P2RX3: variants seen among roughly 807,000 people sequenced by gnomAD.
P2RX3 encodes P2X purinoceptor 3.
Under a neutral mutation model 51.5 loss-of-function variants are expected in P2RX3, and 41 were observed. That is an observed-to-expected ratio of 0.80 (90% CI 0.62 to 1.03). P2RX3 has a LOEUF of 1.03. P2RX3 is among the 50% of genes least tolerant of loss of function. The pLI is 0.00. For missense variants in P2RX3, 459 were observed against 522.1 expected, an observed-to-expected ratio of 0.88 and a Z score of 1.18; for synonymous variants, 185 against 191.6, an observed-to-expected ratio of 0.97 and a Z score of 0.29.
intron 6 of P2RX3, among the ~76,000 whole-genome samples, chr11:57,349,381 G>A (rs1350267227): frequency 6.6e-6 from 1 of 151,442 alleles, no homozygotes; most frequent in Admixed American, 6.6e-5. Flanking sequence ...CAGGAGAATC[G>A]CTTGAACCTG....
chr11:57,345,550 C>G (rs1375905845), intron 1 of P2RX3, among the ~76,000 whole-genome samples: 1 of 152,158 alleles, frequency 6.6e-6, no homozygotes, highest in East Asian at 1.9e-4. Flanking sequence ...GGAATAAAGG[C>G]AATCTTGCCA....
chr11:57,363,348 A>G (rs1045196768), intron 8 of P2RX3, among the ~76,000 whole-genome samples: 3 of 152,134 alleles, frequency 2.0e-5, no homozygotes, highest in African/African-American at 7.2e-5. Context: ...CCCTCATTTC[A>G]GTGGCTTAAT....
At chr11:57,367,379 T>C (rs1396157407) in intron 8 of P2RX3, among the ~76,000 whole-genome samples, 1 of 152,204 alleles carries the variant, frequency 6.6e-6, no homozygotes, top group Non-Finnish European at 1.5e-5. Context: ...AGTCTAGCAG[T>C]GGCTCAAACT....
At chr11:57,347,697 G>A (rs1462955619) in intron 4 of P2RX3, among the ~76,000 whole-genome samples, 2 of 152,148 alleles carry the variant, frequency 1.3e-5, no homozygotes, top group Non-Finnish European at 2.9e-5. Flanking sequence ...GACAGACAGG[G>A]GTGCTTGAAG....
chr11:57,367,582 A>T (rs1856815809), intron 8 of P2RX3, among the ~76,000 whole-genome samples: 1 of 152,114 alleles, frequency 6.6e-6, no homozygotes, highest in African/African-American at 2.4e-5. Context: ...TTAGCCAGGG[A>T]TGGTGGCGCG....
intron 8 of P2RX3, among the ~76,000 whole-genome samples, chr11:57,361,405 G>A (rs553902101): frequency 6.6e-6 from 1 of 152,224 alleles, no homozygotes; most frequent in South Asian, 2.1e-4. Context: ...TAGGTATTAA[G>A]CCCCACATGC....
chr11:57,360,274 T>C (rs1350087556), intron 8 of P2RX3, among the ~76,000 whole-genome samples: 15 of 152,170 alleles, frequency 9.9e-5, no homozygotes, highest in Admixed American at 9.8e-4. Context: ...CAAATCTAAC[T>C]GTGTTCTGCT....
chr11:57,347,781 A>T (rs1856468516), intron 4 of P2RX3, among the ~76,000 whole-genome samples: 1 of 152,158 alleles, frequency 6.6e-6, no homozygotes, highest in South Asian at 2.1e-4. Context: ...CTGGGTGAGC[A>T]GTACCCAAAG....
chr11:57,361,698 G>A (rs1294163178), intron 8 of P2RX3, among the ~76,000 whole-genome samples: 1 of 152,094 alleles, frequency 6.6e-6, no homozygotes, highest in Non-Finnish European at 1.5e-5. Flanking sequence ...TCATTGATGG[G>A]CATTTGAGTT....
chr11:57,348,141 C>T (rs751897414), intron 4 of P2RX3, 29 bp from the exon 5 acceptor site: 13 of 1,545,224 alleles, frequency 8.4e-6, no homozygotes, highest in Non-Finnish European at 1.1e-5. Context: ...GGGCAGGCAG[C>T]CACCCAGCAG....
At chr11:57,368,182 G>T in intron 9 of P2RX3, 80 bp downstream of exon 9, 2 of 1,447,746 alleles carry the variant, frequency 1.4e-6, no homozygotes, top group South Asian at 2.3e-5. Flanking sequence ...AAGCTCCTCT[G>T]GGGGGCAGGG....
chr11:57,347,441 A>G lies in P2RX3; in HGVS notation c.354A>G (p.Ser118=). 1 of 1,559,414 alleles carries G rather than the reference A, an allele frequency of 6.4e-7. No homozygotes were observed. Among genetic ancestry groups the G allele is most frequent in the African/African-American group, 1.4e-5 (1 of 73,536 alleles). ...GTGAGGAGAAATACCGCTGTGTATC[A>G]GACAGCCAGTGCGGGCCTGAGCGCT... ...PESEEKYRCV[S]DSQCGPERLP... is the part of the protein sequence containing the mutation. Residue 118 remains serine (S), a synonymous_variant, in exon 4 of 12, where the codon TCA becomes TCG. Transcript: ENST00000263314.
In P2RX3 at chr11:57,370,480, C is replaced by T. The variant is rs767729212; in HGVS notation, c.*483C>T. The T allele has an allele frequency of 2.0e-5, 3 of 153,320 alleles. No individual in the cohort carries two copies. Among genetic ancestry groups the T allele is most frequent in the Non-Finnish European group, 2.9e-5 (2 of 69,634 alleles). The allele number at this position is 153,320 out of a possible 1,614,324, so 9.5% of individuals were successfully genotyped here. On this transcript the variant is annotated 3_prime_UTR_variant, in exon 12 of 12. Coordinates refer to ENST00000263314, the MANE Select transcript of P2RX3 (RefSeq NM_002559.5). The stretch of plus-strand genomic sequence containing the variant: ...GTGAGAGAGCTGGGATTTGAACGTC[C>T]GTCTGACTAACTCCATCGCCCACAC...
chr11:57,347,287 G>A (rs911321425), intron 3 of P2RX3, 100 bp downstream of exon 3: 19 of 1,490,682 alleles, frequency 1.3e-5, no homozygotes, highest in Non-Finnish European at 1.6e-5. Context: ...CCCCAAGTCT[G>A]ACCTTGCAAC....
chr11:57,345,917 A>G (rs1400024170), intron 1 of P2RX3, among the ~76,000 whole-genome samples: 1 of 150,848 alleles, frequency 6.6e-6, no homozygotes, highest in Non-Finnish European at 1.5e-5. Flanking sequence ...TGCCAGGTAA[A>G]AGCTCAGCCG....
Position 57,349,824 on chromosome 11 carries a change from C to G in P2RX3, c.631C>G (p.Pro211Ala), listed in dbSNP as rs761341767. 2 of 1,614,222 alleles carry G rather than the reference C, an allele frequency of 1.2e-6. No homozygotes were observed. Among genetic ancestry groups the G allele is most frequent in the South Asian group, 1.1e-5 (1 of 91,084 alleles). Residue 211 changes from proline to alanine, a missense_variant, in exon 7 of 12, where the codon CCT (proline) becomes GCT (alanine). Coordinates refer to ENST00000263314, the MANE Select transcript of P2RX3 (RefSeq NM_002559.5). ...CTGCCGCTTCCACCCGGACAAGGAC[C>G]CTTTCTGCCCCATCTTGCGGGTAGG... Reference protein sequence around the residue: ...KTCRFHPDKDPFCPILRVGDV... With the variant: ...KTCRFHPDKDAFCPILRVGDV...
At chr11:57,351,545 G>C (rs1187786472) in intron 8 of P2RX3, among the ~76,000 whole-genome samples, 1 of 152,154 alleles carries the variant, frequency 6.6e-6, no homozygotes, top group Non-Finnish European at 1.5e-5. Context: ...AGGACAAACT[G>C]TTTGGAAGCA....
rs760487695 is a variant in P2RX3 at position 57,369,954 on chromosome 11, A to C, written c.1151A>C (p.Glu384Ala). ...PVYPSDQTTA[E>A]KQSTDSGAFS... ...TACCCCAGCGACCAGACCACAGCGGAGAAGCAGTCCACCGATTCGGGGGCC... is the reference window on the plus strand; with the variant it reads ...TACCCCAGCGACCAGACCACAGCGGCGAAGCAGTCCACCGATTCGGGGGCC... Residue 384 changes from glutamate (E) to alanine (A), a missense_variant, in exon 12 of 12, where the codon GAG becomes GCG. Transcript: ENST00000263314. The C allele has an allele frequency of 6.2e-7, 1 of 1,614,044 alleles. No homozygotes were observed. Among genetic ancestry groups the C allele is most frequent in the Non-Finnish European group, 8.5e-7 (1 of 1,179,972 alleles).
intron 8 of P2RX3, among the ~76,000 whole-genome samples, chr11:57,366,703 G>T (rs924642941): frequency 6.6e-6 from 1 of 152,190 alleles, no homozygotes; most frequent in Non-Finnish European, 1.5e-5. Context: ...AGAAGTCCAA[G>T]GCTGTGGAGC....
Sources: gnomAD v4.1 joint callset for allele counts (sites outside exome capture counted in the v4.1 genomes callset) on GRCh38, gnomAD v4.1.1 for gene constraint, MANE v1.5 for transcripts, NCBI Gene and HGNC (gene_info 2026-07-23, HGNC 2026-07-21) for gene names.